The following MOXD1 variants were observed in gnomAD, a reference collection of about 807,000 sequenced individuals.
MOXD1 encodes the protein monooxygenase DBH like 1, also known as DBH-like monooxygenase protein 1.
A neutral mutation model predicts 66.6 loss-of-function variants in MOXD1; 62 were observed. The observed-to-expected ratio is 0.93, with a 90% CI of 0.76 to 1.15. The LOEUF is 1.15. MOXD1 is among the 50% of genes most tolerant of loss of function. The pLI is 0.00. For synonymous variants in MOXD1, 303 were observed against 281.9 expected, an observed-to-expected ratio of 1.07 and a Z score of -0.75; for missense variants, 847 against 754.6, an observed-to-expected ratio of 1.12 and a Z score of -1.44.
intron 4 of MOXD1, among the ~76,000 whole-genome samples, chr6:132,361,597 T>C (rs1484826615): frequency 6.6e-6 from 1 of 152,120 alleles, no homozygotes; most frequent in Non-Finnish European, 1.5e-5. Flanking sequence ...AACAGTTATT[T>C]TCAAACAGAG....
intron 4 of MOXD1, among the ~76,000 whole-genome samples, chr6:132,343,063 G>A (rs1406203631): frequency 6.6e-6 from 1 of 152,144 alleles, no homozygotes; most frequent in African/African-American, 2.4e-5. Context: ...TATTTTATGT[G>A]ACCCATCCTC....
chr6:132,343,186 T>C (rs1357842869), intron 4 of MOXD1, among the ~76,000 whole-genome samples: 1 of 152,208 alleles, frequency 6.6e-6, no homozygotes, highest in Non-Finnish European at 1.5e-5. Context: ...GCAACACTTA[T>C]ATCAAACAAA....
intron 4 of MOXD1, among the ~76,000 whole-genome samples, chr6:132,355,087 G>A (rs1349424535): frequency 6.6e-6 from 1 of 152,116 alleles, no homozygotes; most frequent in South Asian, 2.1e-4. Flanking sequence ...CCCAGGTGCA[G>A]AAGAAAAAGG....
At chr6:132,356,988 C>T (rs1249929346) in intron 4 of MOXD1, among the ~76,000 whole-genome samples, 1 of 151,726 alleles carries the variant, frequency 6.6e-6, no homozygotes, top group Non-Finnish European at 1.5e-5. Context: ...ATATATTACA[C>T]TGGAAATGAA....
intron 10 of MOXD1, among the ~76,000 whole-genome samples, chr6:132,298,570 A>G (rs1490245003): frequency 1.3e-5 from 2 of 152,156 alleles, no homozygotes; most frequent in Non-Finnish European, 2.9e-5. Flanking sequence ...AAGTGAGAAG[A>G]CAAATACAAC....
intron 1 of MOXD1, among the ~76,000 whole-genome samples, chr6:132,397,408 C>T (rs985069241): frequency 6.6e-6 from 1 of 152,302 alleles, no homozygotes; most frequent in African/African-American, 2.4e-5. Context: ...GGACTTGCTT[C>T]TCTGCCTTTC....
At chr6:132,378,523 T>C (rs1239234357) in intron 1 of MOXD1, among the ~76,000 whole-genome samples, 1 of 151,974 alleles carries the variant, frequency 6.6e-6, no homozygotes, top group African/African-American at 2.4e-5. Context: ...AGAAAAAGAT[T>C]AAAAAAAGCA....
At chr6:132,392,204 C>G (rs746126253) in intron 1 of MOXD1, 15 of 1,591,774 alleles carry the variant, frequency 9.4e-6, no homozygotes, top group African/African-American at 1.3e-5. Context: ...CAAATCAGTT[C>G]CAAGCACTTC....
intron 6 of MOXD1, among the ~76,000 whole-genome samples, chr6:132,325,954 A>G (rs1775179415): frequency 6.6e-6 from 1 of 152,254 alleles, no homozygotes; most frequent in Admixed American, 6.5e-5. Flanking sequence ...GATAATGTAG[A>G]ATATCTATAC....
chr6:132,395,971 T>G (rs891012311), intron 1 of MOXD1, among the ~76,000 whole-genome samples: 2 of 152,192 alleles, frequency 1.3e-5, no homozygotes, highest in African/African-American at 4.8e-5. Flanking sequence ...CTCTCAGCAT[T>G]AGACAGGTCA....
intron 1 of MOXD1, among the ~76,000 whole-genome samples, chr6:132,378,638 A>G (rs1373345020): frequency 6.6e-6 from 1 of 152,160 alleles, no homozygotes; most frequent in Admixed American, 6.5e-5. Flanking sequence ...TTGAAGCCAA[A>G]TAATTGGATC....
intron 1 of MOXD1, among the ~76,000 whole-genome samples, chr6:132,386,112 A>C (rs1242377633): frequency 7.4e-6 from 1 of 134,778 alleles, no homozygotes; most frequent in African/African-American, 2.9e-5. Flanking sequence ...CAAAAAAAAA[A>C]AAAGAAAAGG....
At chr6:132,358,449 T>C (rs1416044209) in intron 4 of MOXD1, among the ~76,000 whole-genome samples, 1 of 152,232 alleles carries the variant, frequency 6.6e-6, no homozygotes, top group Non-Finnish European at 1.5e-5. Flanking sequence ...TGTTTTCTCA[T>C]CTAGAAAATG....
Position 132,378,875 on chromosome 6 carries a change from C to CTTTTTTTTTTTTTT in MOXD1, c.265-4112_265-4099dup, listed in dbSNP as rs3038136. On this transcript the variant is annotated intron_variant, in intron 1 of 11. Coordinates refer to ENST00000367963, the MANE Select transcript of MOXD1 (RefSeq NM_015529.4). ...AATGAAAGAGGACAGAACACTTCCT[C>CTTTTTTTTTTTTTT]TTTTTTTTTTTTTTTTTTTTTTTTT... Among the ~76,000 whole-genome samples the CTTTTTTTTTTTTTT allele has an allele frequency of 4.1e-4, 17 of 41,916 alleles. 7 individuals are homozygous for CTTTTTTTTTTTTTT. Among genetic ancestry groups the CTTTTTTTTTTTTTT allele is most frequent in the Non-Finnish European group, 6.4e-4 (10 of 15,744 alleles). 27.5% of individuals were successfully genotyped at this position (41,916 alleles called of 152,430 possible).
chr6:132,336,185 T>C (rs1775431305), intron 4 of MOXD1, among the ~76,000 whole-genome samples: 1 of 152,078 alleles, frequency 6.6e-6, no homozygotes, highest in African/African-American at 2.4e-5. Context: ...AGGCGATGGG[T>C]GTAATCTGTA....
intron 4 of MOXD1, among the ~76,000 whole-genome samples, chr6:132,371,290 T>C (rs940846875): frequency 2.0e-5 from 3 of 152,132 alleles, no homozygotes; most frequent in Non-Finnish European, 4.4e-5. Flanking sequence ...TGCATTCCCC[T>C]TTTCCATACA....
In MOXD1 at chr6:132,381,865, C is replaced by T. The variant is rs1245365606; in HGVS notation, c.265-7088G>A. Among the ~76,000 whole-genome samples, 4 of 152,094 alleles carry T rather than the reference C, an allele frequency of 2.6e-5. No individual in the cohort carries two copies. In the East Asian group the frequency reaches 5.8e-4, roughly 22 times the overall value. ...ACTTAACAGATACTTAAGAAAACTTCCTACATCATTTTCACTACATCTGAT... is the reference window on the plus strand; with the variant it reads ...ACTTAACAGATACTTAAGAAAACTTTCTACATCATTTTCACTACATCTGAT... On this transcript the variant is annotated intron_variant, in intron 1 of 11. Coordinates refer to ENST00000367963, the MANE Select transcript of MOXD1 (RefSeq NM_015529.4).
Position 132,385,473 on chromosome 6 carries a change from T to TATTATC in MOXD1, c.265-10697_265-10696insGATAAT, listed in dbSNP as rs1254850075. Among the ~76,000 whole-genome samples the TATTATC allele has an allele frequency of 9.7e-5, 13 of 134,434 alleles. No individual in the cohort carries two copies. The South Asian group carries it at 3.3e-3, about 34-fold the overall frequency. The allele number at this position is 134,434 out of a possible 152,430, so 88.2% of individuals were successfully genotyped here. A position where few individuals can be genotyped will look rare whatever the true frequency, so the allele number is the denominator to read the frequency against. The stretch of plus-strand genomic sequence containing the variant: ...CAAAATATACTGAAATTATTATTAT[T>TATTATC]ATTATTATTATTATTATTATTATTA... On this transcript the variant is annotated intron_variant, in intron 1 of 11. Coordinates refer to ENST00000367963, the MANE Select transcript of MOXD1 (RefSeq NM_015529.4).
intron 10 of MOXD1, among the ~76,000 whole-genome samples, chr6:132,308,683 G>A (rs544394361): frequency 2.6e-4 from 40 of 152,152 alleles, no homozygotes; most frequent in African/African-American, 8.7e-4. Flanking sequence ...CAATCAAGTC[G>A]GCTTCATCCC....
Sources: allele counts gnomAD v4.1 joint callset (sites outside exome capture counted in the v4.1 genomes callset), GRCh38; gene constraint gnomAD v4.1.1; transcripts MANE v1.5; gene names NCBI Gene and HGNC (gene_info 2026-07-23, HGNC 2026-07-21).